Variants in ZNF143 observed in about 807,000 individuals in gnomAD.
ZNF143 encodes the protein zinc finger protein 143.
In ZNF143, 49 loss-of-function variants were observed where a neutral mutation model predicts 74.1. The ratio of observed to expected loss-of-function variants is 0.66; its 90% CI spans 0.53 to 0.84. ZNF143 has a LOEUF of 0.84. ZNF143 is among the 40% of genes least tolerant of loss of function. The pLI is 0.00. For missense variants in ZNF143, 637 were observed against 793.4 expected (o/e 0.80, Z 2.37); for synonymous variants, 304 against 282.8 (o/e 1.07, Z -0.75).
At chr11:9,515,809 C>T (rs1848703823) in intron 13 of ZNF143, among the ~76,000 whole-genome samples, 1 of 151,718 alleles carries the variant, frequency 6.6e-6, no homozygotes, top group South Asian at 2.1e-4. Context: ...GTTGAGACCC[C>T]ATGTCTACAA....
rs144531334 is a variant in ZNF143, at chr11:9,468,283, A to G, written c.-7-3019A>G. Among the ~76,000 whole-genome samples the G allele has an allele frequency of 2.4e-3, 369 of 152,294 alleles. 1 individual carries two copies. Among genetic ancestry groups the G allele is most frequent in the African/African-American group, 8.5e-3 (355 of 41,560 alleles). On this transcript the variant is annotated intron_variant, in intron 1 of 15. Coordinates refer to ENST00000396602, the MANE Select transcript of ZNF143 (RefSeq NM_003442.6). ...TCAGTTGAGATCAAACCATCACCAA[A>G]ATGGGGATACCTAATGACTAGACCT...
intron 7 of ZNF143, among the ~76,000 whole-genome samples, chr11:9,486,396 A>AATATATATAATATATATTATATATATTAT (rs1554964417): frequency 5.9e-4 from 7 of 11,916 alleles, no homozygotes; most frequent in Non-Finnish European, 1.3e-3. Context: ...TAATATATAT[A>AATATATATAATATATATTATATATATTAT]ATATATTATA....
chr11:9,466,388 C>T (rs954339322), intron 1 of ZNF143, among the ~76,000 whole-genome samples: 4 of 151,708 alleles, frequency 2.6e-5, no homozygotes, highest in South Asian at 2.1e-4. Flanking sequence ...CTACGTCTCC[C>T]GGATTCAAGC....
chr11:9,515,137 C>T (rs931607361), intron 13 of ZNF143, among the ~76,000 whole-genome samples: 2 of 151,716 alleles, frequency 1.3e-5, no homozygotes, highest in African/African-American at 4.8e-5. Flanking sequence ...AAAAAAAAGT[C>T]TGAACTATAG....
At chr11:9,514,397 G>C (rs1489350123) in intron 13 of ZNF143, among the ~76,000 whole-genome samples, 1 of 152,184 alleles carries the variant, frequency 6.6e-6, no homozygotes, top group African/African-American at 2.4e-5. Flanking sequence ...TCAAATGATA[G>C]ACATTTATAG....
rs1471613312 is a variant in ZNF143, at chr11:9,504,339, A to G, written c.1147+3069A>G. ...CTATTCAAATCCTTTGCCCGTTTTT[A>G]AAATTGGGTTGTGTCTTTATTACTG... On this transcript the variant is annotated intron_variant, in intron 11 of 15. Coordinates refer to ENST00000396602, the MANE Select transcript of ZNF143 (RefSeq NM_003442.6). 2.4e-5 allele frequency among the ~76,000 whole-genome samples: 3 copies of G among 126,734 alleles called. 1 individual carries two copies. Among genetic ancestry groups the G allele is most frequent in the Non-Finnish European group, 5.6e-5 (3 of 53,448 alleles). The allele number at this position is 126,734 out of a possible 152,430, so 83.1% of individuals were successfully genotyped here. A position where few individuals can be genotyped will look rare whatever the true frequency, so the allele number is the denominator to read the frequency against.
chr11:9,503,243 AGTT>A (rs1318310309), intron 11 of ZNF143, among the ~76,000 whole-genome samples: 2 of 72,440 alleles, frequency 2.8e-5, no homozygotes, highest in Non-Finnish European at 4.7e-5. Context: ...TTTATTCACC[AGTT>A]GTTTTCACTT....
intron 14 of ZNF143, among the ~76,000 whole-genome samples, chr11:9,524,359 A>G (rs185334707): frequency 3.3e-5 from 5 of 152,316 alleles, no homozygotes; most frequent in Admixed American, 6.5e-5. Context: ...TCAAGGGTTT[A>G]TAATTGTTAT....
chr11:9,505,878 CAAAAAAAAA>C (rs1177848404), intron 11 of ZNF143, among the ~76,000 whole-genome samples: 1 of 66,864 alleles, frequency 1.5e-5, no homozygotes, highest in Admixed American at 1.8e-4. Context: ...GACTCCATAT[CAAAAAAAAA>C]AAAAAAAAAA....
chr11:9,497,988 G>A (rs1342738846), intron 10 of ZNF143, among the ~76,000 whole-genome samples, 188 bp downstream of exon 10: 2 of 152,004 alleles, frequency 1.3e-5, no homozygotes, highest in Non-Finnish European at 2.9e-5. Flanking sequence ...CCACCACCAT[G>A]CCTGGCTAAT....
chr11:9,478,341 T>G, intron 5 of ZNF143, 49 bp from the exon 6 acceptor site: 1 of 1,571,818 alleles, frequency 6.4e-7, no homozygotes, highest in Non-Finnish European at 8.7e-7. Context: ...ATGTAAATAT[T>G]TGTCAGATTT....
chr11:9,512,352 T>C (rs1034626888), intron 12 of ZNF143, 96 bp from the exon 13 acceptor site: 1 of 1,459,156 alleles, frequency 6.9e-7, no homozygotes. Context: ...ACATGTACAT[T>C]TTAATTATGT....
At chr11:9,517,242 T>C (rs145286022) in intron 14 of ZNF143, among the ~76,000 whole-genome samples, 1 of 152,264 alleles carries the variant, frequency 6.6e-6, no homozygotes, top group African/African-American at 2.4e-5. Flanking sequence ...CTTGTTGTTG[T>C]CTTTTAAACT....
intron 15 of ZNF143, among the ~76,000 whole-genome samples, chr11:9,527,264 G>C (rs1374357202): frequency 6.6e-6 from 1 of 152,180 alleles, no homozygotes; most frequent in Middle Eastern, 3.2e-3. Flanking sequence ...GGGCCACCAT[G>C]CCCCGCTGAG....
chr11:9,484,991 G>C (rs908369574), intron 7 of ZNF143, among the ~76,000 whole-genome samples: 4 of 148,304 alleles, frequency 2.7e-5, no homozygotes, highest in African/African-American at 1.0e-4. Flanking sequence ...TAGAGACAGG[G>C]TTTCACTGTG....
intron 7 of ZNF143, among the ~76,000 whole-genome samples, chr11:9,486,650 C>T (rs1847564594): frequency 6.8e-6 from 1 of 146,454 alleles, no homozygotes; most frequent in South Asian, 2.1e-4. Context: ...ACATTATTGA[C>T]TTAGAACAAT....
intron 9 of ZNF143, among the ~76,000 whole-genome samples, chr11:9,496,647 G>A (rs573330438): frequency 7.3e-5 from 11 of 151,068 alleles, no homozygotes; most frequent in African/African-American, 2.4e-4. Flanking sequence ...CTCAGGTTTG[G>A]GTGCAGTGGC....
Position 9,497,660 on chromosome 11 carries a change from A to T in ZNF143, c.842-15A>T. 6.4e-7 allele frequency: 1 copy of T among 1,573,044 alleles called. No homozygotes were observed. The highest frequency in any genetic ancestry group is 8.7e-7 in the Non-Finnish European group (1 of 1,155,284). ...AGTATTGTGTAATTAAATTTCTTTTAATTTTTTCTTAAAGGTTATGGATTA... is the reference window on the plus strand; with the variant it reads ...AGTATTGTGTAATTAAATTTCTTTTTATTTTTTCTTAAAGGTTATGGATTA... On this transcript the variant is annotated splice_polypyrimidine_tract_variant and intron_variant, in intron 9 of 15. Transcript: ENST00000396602.
intron 7 of ZNF143, among the ~76,000 whole-genome samples, chr11:9,493,845 TC>T (rs1263981320): frequency 6.6e-6 from 1 of 152,202 alleles, no homozygotes; most frequent in South Asian, 2.1e-4. Context: ...TGTTATTACA[TC>T]CCAGAAAAAT....
Sources: gnomAD v4.1 joint callset for allele counts (sites outside exome capture counted in the v4.1 genomes callset) on GRCh38, gnomAD v4.1.1 for gene constraint, MANE v1.5 for transcripts, NCBI Gene and HGNC (gene_info 2026-07-23, HGNC 2026-07-21) for gene names.